CTNND2: variants seen among roughly 807,000 people sequenced by gnomAD.
CTNND2 encodes catenin delta 2, also known as catenin delta-2.
CTNND2 carries 22 observed loss-of-function variants against 144.4 expected under a neutral mutation model. The observed-to-expected ratio is 0.15, with a 90% CI of 0.11 to 0.22. The LOEUF (loss-of-function observed/expected upper bound fraction) is 0.22, where lower values mean the gene tolerates loss of function less well. CTNND2 is among the 10% of genes least tolerant of loss of function. The pLI is 1.00. For synonymous variants in CTNND2, 751 were observed against 695.6 expected (o/e 1.08, Z -1.25); for missense variants, 1,353 against 1,618.8 (o/e 0.84, Z 2.82).
intron 3 of CTNND2, among the ~76,000 whole-genome samples, chr5:11,440,979 T>C (rs1240648210): frequency 1.3e-5 from 2 of 152,226 alleles, no homozygotes; most frequent in Non-Finnish European, 2.9e-5. Flanking sequence ...ATATAAACTA[T>C]ATAGAGGATA....
At chr5:11,829,800 T>C (rs1244048947) in intron 1 of CTNND2, among the ~76,000 whole-genome samples, 1 of 152,120 alleles carries the variant, frequency 6.6e-6, no homozygotes, top group Non-Finnish European at 1.5e-5. Flanking sequence ...GACCCCAGAA[T>C]GGTAGATCCA....
chr5:11,173,865 G>A, intron 11 of CTNND2, among the ~76,000 whole-genome samples: 1 of 151,958 alleles, frequency 6.6e-6, no homozygotes, highest in East Asian at 1.9e-4. Flanking sequence ...AAACATTTCT[G>A]TCACCCCAAA....
At chr5:11,263,008 A>G (rs925114223) in intron 9 of CTNND2, among the ~76,000 whole-genome samples, 2 of 152,174 alleles carry the variant, frequency 1.3e-5, no homozygotes, top group Admixed American at 1.3e-4. Context: ...TCACAAAAGC[A>G]TAACATTTCA....
In CTNND2 at chr5:11,199,591, C is replaced by G. The variant is rs759806052; in HGVS notation, c.1832G>C (p.Ser611Thr). ...LDHRMTEVHR[S>T]ACGALRNLVY... ...CAGGTTTCTCAGAGCTCCACAGGCACTACGGTGGACTTCGGTCATCCGATG... is the reference window on the plus strand; with the variant it reads ...CAGGTTTCTCAGAGCTCCACAGGCAGTACGGTGGACTTCGGTCATCCGATG... The change falls in exon 11 of 22, where the codon AGT (serine) becomes ACT (threonine). Residue 611 changes from serine (S) to threonine (T), a missense_variant. Around this residue, in one of 4 missense-constraint regions of CTNND2, gnomAD observed 69 missense variants for 120.3 expected, o/e 0.57. Transcript: ENST00000304623. 8 of 1,614,178 alleles carry G rather than the reference C, an allele frequency of 5.0e-6. No homozygotes were observed. Among genetic ancestry groups the G allele is most frequent in the Non-Finnish European group, 6.8e-6 (8 of 1,180,026 alleles).
intron 2 of CTNND2, among the ~76,000 whole-genome samples, chr5:11,658,084 T>C (rs904746392): frequency 6.6e-6 from 1 of 152,194 alleles, no homozygotes; most frequent in Non-Finnish European, 1.5e-5. Flanking sequence ...GCTATATTCA[T>C]ATTTTAATCT....
chr5:11,503,560 A>C (rs1046281012), intron 3 of CTNND2, among the ~76,000 whole-genome samples: 3 of 152,196 alleles, frequency 2.0e-5, no homozygotes, highest in Non-Finnish European at 4.4e-5. Flanking sequence ...GCATCTTCAT[A>C]AGGAGGTATC....
At chr5:11,204,120 A>G (rs1326303433) in intron 10 of CTNND2, among the ~76,000 whole-genome samples, 1 of 152,220 alleles carries the variant, frequency 6.6e-6, no homozygotes, top group Non-Finnish European at 1.5e-5. Flanking sequence ...ATCTACAAGG[A>G]GTAAGGGAGG....
At chr5:11,672,712 C>A (rs1351544350) in intron 2 of CTNND2, among the ~76,000 whole-genome samples, 1 of 152,102 alleles carries the variant, frequency 6.6e-6, no homozygotes, top group African/African-American at 2.4e-5. Flanking sequence ...TGCTGGGCTC[C>A]ATAGGGGTGG....
At chr5:11,014,014 TCACCTGCTGGCCTTGGGC>T (rs1368345101) in intron 18 of CTNND2, among the ~76,000 whole-genome samples, 1 of 152,134 alleles carries the variant, frequency 6.6e-6, no homozygotes, top group East Asian at 1.9e-4. Context: ...GGCATCAAGG[TCACCTGCTGGCCTTGGGC>T]CACCTGCCTG....
intron 3 of CTNND2, among the ~76,000 whole-genome samples, chr5:11,483,915 G>C (rs549935898): frequency 6.6e-6 from 1 of 152,318 alleles, no homozygotes; most frequent in Non-Finnish European, 1.5e-5. Flanking sequence ...ATGGAAAACT[G>C]GATTGGGATA....
intron 9 of CTNND2, among the ~76,000 whole-genome samples, chr5:11,288,371 T>C (rs1330037795): frequency 3.3e-5 from 5 of 152,002 alleles, no homozygotes; most frequent in South Asian, 2.1e-4. Context: ...AAACAACTGC[T>C]AACTAATTTT....
intron 16 of CTNND2, among the ~76,000 whole-genome samples, chr5:11,077,387 C>T (rs61750287): frequency 4.3e-4 from 66 of 152,174 alleles, no homozygotes; most frequent in African/African-American, 1.5e-3. Context: ...CTGGGAAAGA[C>T]GTGAGTGAGG....
intron 1 of CTNND2, among the ~76,000 whole-genome samples, chr5:11,857,524 T>C (rs1795305940): frequency 6.6e-6 from 1 of 152,218 alleles, no homozygotes; most frequent in Non-Finnish European, 1.5e-5. Flanking sequence ...GATGAGTTTA[T>C]ACCTGTGTCC....
chr5:11,532,437 A>G (rs1773831370), intron 3 of CTNND2, among the ~76,000 whole-genome samples: 1 of 152,180 alleles, frequency 6.6e-6, no homozygotes, highest in Admixed American at 6.5e-5. Context: ...CATTTTTGAG[A>G]GAACATTCTT....
chr5:11,030,009 T>C (rs1743271648), intron 16 of CTNND2, among the ~76,000 whole-genome samples: 1 of 151,376 alleles, frequency 6.6e-6, no homozygotes, highest in African/African-American at 2.4e-5. Flanking sequence ...CCCTCACTTC[T>C]GCTGGACATA....
chr5:11,438,165 A>T (rs750880380), intron 3 of CTNND2, among the ~76,000 whole-genome samples: 40 of 152,228 alleles, frequency 2.6e-4, no homozygotes, highest in Non-Finnish European at 5.6e-4. Flanking sequence ...GGCGAAGAGG[A>T]TCGTCATCTT....
chr5:11,544,173 T>C (rs946802659), intron 3 of CTNND2, among the ~76,000 whole-genome samples: 3 of 150,884 alleles, frequency 2.0e-5, no homozygotes, highest in African/African-American at 7.3e-5. Context: ...CAAGGCAGAT[T>C]TTTTTTTTCT....
chr5:11,130,259 A>AT (rs1561355638), intron 12 of CTNND2, among the ~76,000 whole-genome samples: 1 of 149,812 alleles, frequency 6.7e-6, no homozygotes, highest in African/African-American at 2.5e-5. Context: ...TTCATACCAC[A>AT]CCCCCCCCAT....
At chr5:11,817,989 T>TG (rs1793090208) in intron 1 of CTNND2, among the ~76,000 whole-genome samples, 2 of 56,244 alleles carry the variant, frequency 3.6e-5, no homozygotes, top group South Asian at 1.1e-3. Flanking sequence ...GTGTTTTTTT[T>TG]TTTTTTTTTT....
Sources: allele counts gnomAD v4.1 joint callset (sites outside exome capture counted in the v4.1 genomes callset), GRCh38; gene constraint gnomAD v4.1.1; regional missense constraint gnomAD v4.1.1; transcripts MANE v1.5; gene names NCBI Gene and HGNC (gene_info 2026-07-23, HGNC 2026-07-21).